The following TDRD15 variants were observed in gnomAD, a reference collection of about 807,000 sequenced individuals.
The protein encoded by TDRD15 is tudor domain-containing protein 15.
For synonymous variants in TDRD15, 503 were observed against 314.5 expected (o/e 1.60, Z -6.34); for missense variants, 1,416 against 904.7 (o/e 1.57, Z -7.25).
At chr2:21,130,483 A>G (rs369384289) in intron 2 of TDRD15, among the ~76,000 whole-genome samples, 1 of 152,210 alleles carries the variant, frequency 6.6e-6, no homozygotes, top group Non-Finnish European at 1.5e-5. Context: ...TTAGATTTCT[A>G]TGGGGTTATA....
chr2:21,143,972 ACTC>A lies in TDRD15; in HGVS notation c.*703_*705del, dbSNP rs1486657223. ...CAAATAATTTCAAGGGTTTCATAAA[ACTC>A]CTAAATGTCTGTAGATCTCATGTTA... is the stretch of plus-strand genomic sequence containing the variant. On this transcript the variant is annotated 3_prime_UTR_variant, in exon 4 of 4. Transcript: ENST00000405799. Among the ~76,000 whole-genome samples, 4 of 151,498 alleles carry A rather than the reference ACTC, an allele frequency of 2.6e-5. No individual in the cohort carries two copies. Among genetic ancestry groups the A allele is most frequent in the South Asian group, 2.1e-4 (1 of 4,788 alleles).
rs1665834864 is a variant in TDRD15, at chr2:21,137,733, A to G, written c.266A>G (p.Tyr89Cys). 1 of 716,644 alleles carries G rather than the reference A, an allele frequency of 1.4e-6. No individual in the cohort carries two copies. Among genetic ancestry groups the G allele is most frequent in the Non-Finnish European group, 2.6e-6 (1 of 384,510 alleles). The allele number at this position is 716,644 out of a possible 1,614,324, so 44.4% of individuals were successfully genotyped here. Residue 89 changes from tyrosine to cysteine, a missense_variant, in exon 4 of 4, where the codon TAT (tyrosine) becomes TGT (cysteine). Physicochemically the swap from Tyr to Cys is radical, Grantham distance 194. Transcript: ENST00000405799. The part of the protein sequence containing the change: ...GRVMEKKNEL[Y>C]TVLLIDRGEE... Reference sequence around the variant, plus strand: ...GTCATGGAAAAGAAAAATGAACTCTATACAGTGCTCCTCATAGATCGCGGA... The same window carrying G: ...GTCATGGAAAAGAAAAATGAACTCTGTACAGTGCTCCTCATAGATCGCGGA...
At position 21,134,538 on chromosome 2, in the gene TDRD15, A is replaced by G. The variant is rs570132950; in HGVS notation, c.-89-224A>G. 3.4e-4 allele frequency among the ~76,000 whole-genome samples: 52 copies of G among 152,130 alleles called. 1 individual carries two copies. The highest frequency in any genetic ancestry group is 3.4e-3 in the Middle Eastern group (1 of 294). On this transcript the variant is annotated intron_variant, in intron 2 of 3. Coordinates refer to ENST00000405799, the MANE Select transcript of TDRD15 (RefSeq NM_001306137.2). ...CAAACATCATAATAAGTCAAATTAT[A>G]TGATAAGGCTGCTATCGGCTTGTTT...
chr2:21,140,743 A>G lies in TDRD15; in HGVS notation c.3276A>G (p.Ala1092=). Reference sequence around the variant, plus strand: ...ATCTTAGGGATGTAGATATTCCAGCAGAAATCAGTAGTTGGTTTAAAGACA... The same window carrying G: ...ATCTTAGGGATGTAGATATTCCAGCGGAAATCAGTAGTTGGTTTAAAGACA... The part of the protein sequence containing the change: ...LSDLRDVDIP[A]EISSWFKDNF... The change falls in exon 4 of 4, where the codon GCA becomes GCG. Residue 1092 remains alanine, a synonymous_variant. Transcript: ENST00000405799. 1 of 714,182 alleles carries G rather than the reference A, an allele frequency of 1.4e-6. No homozygotes were observed. The highest frequency in any genetic ancestry group is 2.6e-6 in the Non-Finnish European group (1 of 383,290). The allele number at this position is 714,182 out of a possible 1,614,324, so 44.2% of individuals were successfully genotyped here. A position where few individuals can be genotyped will look rare whatever the true frequency, so the allele number is the denominator to read the frequency against.
chr2:21,143,123 C>A lies in TDRD15; in HGVS notation c.5656C>A (p.His1886Asn), dbSNP rs1416522211. ...PDLVFQFREY[H>N]SETKLKVDVI... ...CTTAGTTTTTCAGTTTAGGGAATAT[C>A]ATTCTGAAACAAAACTGAAAGTAGA... Residue 1886 changes from histidine (H) to asparagine (N), a missense_variant, in exon 4 of 4, where the codon CAT becomes AAT. Transcript: ENST00000405799. 1.4e-6 allele frequency: 1 copy of A among 705,656 alleles called. No individual in the cohort carries two copies. The highest frequency in any genetic ancestry group is 2.6e-6 in the Non-Finnish European group (1 of 381,188). 43.7% of individuals were successfully genotyped at this position (705,656 alleles called of 1,614,324 possible).
chr2:21,143,076 G>A lies in TDRD15; in HGVS notation c.5609G>A (p.Arg1870Gln), dbSNP rs570007928. 28 of 689,130 alleles carry A rather than the reference G, an allele frequency of 4.1e-5. No homozygotes were observed. The Admixed American group carries it at 4.5e-4, about 11-fold the overall frequency. The allele number at this position is 689,130 out of a possible 1,614,324, so 42.7% of individuals were successfully genotyped here. The change falls in exon 4 of 4, where the codon CGA becomes CAA. Residue 1870 changes from arginine (R) to glutamine (Q), a missense_variant. Physicochemically the swap from Arg to Gln is conservative, Grantham distance 43. Transcript: ENST00000405799. ...HWSEEAKIFF[R>Q]DFLSKPDLVF... is the part of the protein sequence containing the mutation. ...AGTGAAGAAGCCAAAATCTTTTTTCGAGATTTCCTAAGTAAACCAGACTTA... is the reference window on the plus strand; with the variant it reads ...AGTGAAGAAGCCAAAATCTTTTTTCAAGATTTCCTAAGTAAACCAGACTTA...
chr2:21,126,012 ATG>A lies in TDRD15; in HGVS notation c.-200-1573_-200-1572del, dbSNP rs144032102. ...ATTCAGGTTGTGCATGTGTGTGTGT[ATG>A]TGTGTGTGTGTGTGTCTGTGTGTCT... is the stretch of plus-strand genomic sequence containing the variant. On this transcript the variant is annotated intron_variant, in intron 1 of 3. Coordinates refer to ENST00000405799, the MANE Select transcript of TDRD15 (RefSeq NM_001306137.2). Among the ~76,000 whole-genome samples, 980 of 149,426 alleles carry A rather than the reference ATG, an allele frequency of 6.6e-3. 8 individuals are homozygous for A. The highest frequency in any genetic ancestry group is 0.014 in the Middle Eastern group (4 of 290).
intron 3 of TDRD15, among the ~76,000 whole-genome samples, chr2:21,135,387 G>C (rs550770441): frequency 6.6e-6 from 1 of 151,704 alleles, no homozygotes; most frequent in Non-Finnish European, 1.5e-5. Context: ...CACAGGATAG[G>C]TTATGTTGTC....
chr2:21,135,982 C>T (rs1665799552), intron 3 of TDRD15, among the ~76,000 whole-genome samples: 1 of 151,974 alleles, frequency 6.6e-6, no homozygotes, highest in African/African-American at 2.4e-5. Flanking sequence ...AGGAGATCTT[C>T]TGGGTACCTC....
chr2:21,126,253 C>T (rs1665590684), intron 1 of TDRD15, among the ~76,000 whole-genome samples: 1 of 152,134 alleles, frequency 6.6e-6, no homozygotes, highest in Non-Finnish European at 1.5e-5. Context: ...GATTAAATGG[C>T]ATTTTCTAGG....
chr2:21,136,555 A>G (rs953460371), intron 3 of TDRD15, among the ~76,000 whole-genome samples: 13 of 152,028 alleles, frequency 8.6e-5, no homozygotes, highest in East Asian at 1.9e-4. Flanking sequence ...AAGGCATCCA[A>G]TGTTTTTCTC....
At chr2:21,127,055 T>G (rs1187629198) in intron 1 of TDRD15, among the ~76,000 whole-genome samples, 1 of 152,226 alleles carries the variant, frequency 6.6e-6, no homozygotes, top group Non-Finnish European at 1.5e-5. Context: ...AATTTGCATT[T>G]TCTTGATAAC....
At chr2:21,145,746 A>G (rs1417460589), downstream of TDRD15, among the ~76,000 whole-genome samples, 1 of 152,008 alleles carries the variant, frequency 6.6e-6, no homozygotes, top group Non-Finnish European at 1.5e-5. Context: ...TGCCTTTACT[A>G]TCTCAGCTCC....
At position 21,137,756 on chromosome 2, in the gene TDRD15, G is replaced by A. The variant is rs1385396546; in HGVS notation, c.289G>A (p.Gly97Arg). The change falls in exon 4 of 4, where the codon GGA becomes AGA. Residue 97 changes from glycine (G) to arginine (R), a missense_variant. Physicochemically the swap from Gly to Arg is moderately radical, Grantham distance 125 (BLOSUM62 -2). Transcript: ENST00000405799. Reference sequence around the variant, plus strand: ...CTATACAGTGCTCCTCATAGATCGCGGAGAAGAACTAAGAGTTGCTGGTCC... The same window carrying A: ...CTATACAGTGCTCCTCATAGATCGCAGAGAAGAACTAAGAGTTGCTGGTCC... ...ELYTVLLIDRGEELRVAGPQI... is the reference protein window; with the variant it reads ...ELYTVLLIDRREELRVAGPQI... The A allele has an allele frequency of 1.5e-5, 11 of 716,488 alleles. No homozygotes were observed. Among genetic ancestry groups the A allele is most frequent in the Non-Finnish European group, 1.8e-5 (7 of 384,516 alleles). 44.4% of individuals were successfully genotyped at this position (716,488 alleles called of 1,614,324 possible). A position where few individuals can be genotyped will look rare whatever the true frequency, so the allele number is the denominator to read the frequency against.
chr2:21,132,436 G>A lies in TDRD15; in HGVS notation c.-89-2326G>A, dbSNP rs116547978. 7.1e-3 allele frequency among the ~76,000 whole-genome samples: 1,073 copies of A among 152,144 alleles called. 17 individuals are homozygous for A. The highest frequency in any genetic ancestry group is 0.025 in the African/African-American group (1,017 of 41,506). ...TTAAGGCTAAAAGACTAGTGAGGAA[G>A]GTAGTATTACAGATGACAGGGGAAG... On this transcript the variant is annotated intron_variant, in intron 2 of 3. Coordinates refer to ENST00000405799, the MANE Select transcript of TDRD15 (RefSeq NM_001306137.2).
At chr2:21,133,916 G>T (rs1487733469) in intron 2 of TDRD15, among the ~76,000 whole-genome samples, 1 of 151,908 alleles carries the variant, frequency 6.6e-6, no homozygotes, top group Non-Finnish European at 1.5e-5. Flanking sequence ...ATATTATGTT[G>T]ATTACATGTT....
In TDRD15 at chr2:21,142,121, A is replaced by AT; in HGVS notation, c.4658dup (p.Leu1553PhefsTer24). The stretch of plus-strand genomic sequence containing the variant: ...TGTGAAGTTATCCAAAAATAAAAAA[A>AT]TTTTATCAGATTTAATAGTATTAAT... On this transcript the variant is annotated frameshift_variant, in exon 4 of 4. Coordinates refer to ENST00000405799, the MANE Select transcript of TDRD15 (RefSeq NM_001306137.2). LOFTEE classifies it low-confidence loss of function (END_TRUNC). The AT allele has an allele frequency of 7.4e-6, 5 of 679,902 alleles. No homozygotes were observed. Among genetic ancestry groups the AT allele is most frequent in the East Asian group, 2.7e-5 (1 of 37,030 alleles). The allele number at this position is 679,902 out of a possible 1,614,324, so 42.1% of individuals were successfully genotyped here. A position where few individuals can be genotyped will look rare whatever the true frequency, so the allele number is the denominator to read the frequency against.
intron 2 of TDRD15, among the ~76,000 whole-genome samples, chr2:21,129,492 TTATG>T (rs1665677740): frequency 6.6e-6 from 1 of 152,232 alleles, no homozygotes; most frequent in South Asian, 2.1e-4. Flanking sequence ...TATTGGCCTT[TTATG>T]TATCTTTTCT....
intron 1 of TDRD15, among the ~76,000 whole-genome samples, chr2:21,126,367 C>CTT: frequency 6.9e-6 from 1 of 145,746 alleles, no homozygotes. Context: ...GTGTTTCATT[C>CTT]TTTTTTTTTT....
Sources: gnomAD v4.1 joint callset for allele counts (sites outside exome capture counted in the v4.1 genomes callset) on GRCh38, gnomAD v4.1.1 for gene constraint, MANE v1.5 for transcripts, NCBI Gene and HGNC (gene_info 2026-07-23, HGNC 2026-07-21) for gene names.